PTN: variants seen among roughly 807,000 people sequenced by gnomAD.
PTN encodes the protein heparin affin regulatory protein.
Under a neutral mutation model 24.1 loss-of-function variants are expected in PTN, and 18 were observed. The observed-to-expected ratio is 0.75, with a 90% CI of 0.52 to 1.11. The LOEUF (loss-of-function observed/expected upper bound fraction) is 1.11, where lower values mean the gene tolerates loss of function less well. Ranked by LOEUF, PTN falls within the 50% of genes least tolerant of loss-of-function variation. PTN has a pLI of 0.00. For missense variants in PTN, 163 were observed against 198.8 expected, an observed-to-expected ratio of 0.82 and a Z score of 1.08; for synonymous variants, 78 against 68.6, an observed-to-expected ratio of 1.14 and a Z score of -0.67.
At chr7:137,339,677 G>A (rs1451420161) in intron 1 of PTN, among the ~76,000 whole-genome samples, 4 of 151,910 alleles carry the variant, frequency 2.6e-5, no homozygotes, top group African/African-American at 7.3e-5. Context: ...GCCAACATAT[G>A]GGCAGGCATT....
At chr7:137,242,534 T>A (rs1215511783) in intron 4 of PTN, among the ~76,000 whole-genome samples, 2 of 152,256 alleles carry the variant, frequency 1.3e-5, no homozygotes, top group Non-Finnish European at 2.9e-5. Flanking sequence ...ACTTGGTAGC[T>A]GGCTTATCTG....
intron 1 of PTN, among the ~76,000 whole-genome samples, chr7:137,295,177 C>A (rs1171075844): frequency 6.6e-6 from 1 of 152,094 alleles, no homozygotes; most frequent in Admixed American, 6.6e-5. Flanking sequence ...GTAAAAATAT[C>A]TCAAATATAC....
At chr7:137,276,814 A>T (rs1694283465) in intron 1 of PTN, among the ~76,000 whole-genome samples, 1 of 152,176 alleles carries the variant, frequency 6.6e-6, no homozygotes, top group African/African-American at 2.4e-5. Context: ...AAAAAATCAC[A>T]AAAAATATTT....
intron 1 of PTN, among the ~76,000 whole-genome samples, chr7:137,338,505 T>C (rs1274994913): frequency 1.3e-5 from 2 of 152,234 alleles, no homozygotes; most frequent in Admixed American, 1.3e-4. Context: ...ATTTAGCCTT[T>C]TGTGAGCTCC....
intron 1 of PTN, among the ~76,000 whole-genome samples, chr7:137,317,762 A>AG (rs1260744218): frequency 1.4e-4 from 22 of 152,110 alleles, no homozygotes; most frequent in Admixed American, 1.2e-3. Context: ...TTTCTTTTTC[A>AG]GGGGGTGGGG....
intron 1 of PTN, among the ~76,000 whole-genome samples, chr7:137,314,998 G>A (rs1342081271): frequency 6.6e-6 from 1 of 152,148 alleles, no homozygotes; most frequent in African/African-American, 2.4e-5. Flanking sequence ...CTCTGTTAAA[G>A]TAATTGATGT....
intron 1 of PTN, among the ~76,000 whole-genome samples, chr7:137,303,495 T>TA (rs1216530852): frequency 2.0e-5 from 3 of 151,980 alleles, no homozygotes; most frequent in Non-Finnish European, 4.4e-5. Context: ...TCCTAGCATA[T>TA]AAAAATGCTT....
intron 1 of PTN, among the ~76,000 whole-genome samples, chr7:137,271,207 C>T (rs1328106585): frequency 6.6e-6 from 1 of 152,186 alleles, no homozygotes; most frequent in East Asian, 1.9e-4. Context: ...TATCCAATGT[C>T]ATATAATTTC....
chr7:137,305,117 C>T (rs1809867205), intron 1 of PTN, among the ~76,000 whole-genome samples: 1 of 151,996 alleles, frequency 6.6e-6, no homozygotes, highest in Non-Finnish European at 1.5e-5. Flanking sequence ...AGCTGACACA[C>T]ACAGAGTACA....
chr7:137,314,910 C>T (rs1001589377), intron 1 of PTN, among the ~76,000 whole-genome samples: 1 of 152,092 alleles, frequency 6.6e-6, no homozygotes, highest in Admixed American at 6.6e-5. Flanking sequence ...CTTTGTGATA[C>T]TAGTGACTCC....
chr7:137,268,363 G>C (rs1452212393), intron 1 of PTN, among the ~76,000 whole-genome samples: 1 of 151,812 alleles, frequency 6.6e-6, no homozygotes, highest in Non-Finnish European at 1.5e-5. Flanking sequence ...GTAGCAGGAC[G>C]AGCCGCGGAC....
Position 137,253,637 on chromosome 7 carries a change from T to C in PTN, c.116A>G (p.Glu39Gly), listed in dbSNP as rs1343818756. 8 of 1,541,938 alleles carry C rather than the reference T, an allele frequency of 5.2e-6. No individual in the cohort carries two copies. Among genetic ancestry groups the C allele is most frequent in the South Asian group, 1.3e-5 (1 of 79,246 alleles). The change falls in exon 3 of 5, where the codon GAA becomes GGA. Residue 39 changes from glutamate (E) to glycine (G), a missense_variant and splice_region_variant. Transcript: ENST00000348225. The stretch of plus-strand genomic sequence containing the variant: ...ACAGTCAGACTTCTTCACTTTTTTT[T>C]CTGAATGAAAGGAGGAAAACCTAAT... ...TAEAGKKEKP[E>G]KKVKKSDCGE...
intron 1 of PTN, among the ~76,000 whole-genome samples, chr7:137,309,570 C>T (rs1809947166): frequency 6.6e-6 from 1 of 152,200 alleles, no homozygotes; most frequent in Non-Finnish European, 1.5e-5. Flanking sequence ...ACTCCTCTCA[C>T]ACCTTCCCAC....
chr7:137,332,706 GTAATAAATATTTT>G (rs1392373581), intron 1 of PTN, among the ~76,000 whole-genome samples: 1 of 151,974 alleles, frequency 6.6e-6, no homozygotes, highest in African/African-American at 2.4e-5. Context: ...AATTTTTTTT[GTAATAAATATTTT>G]TTGAGGAGCT....
rs1016203034 is a variant in PTN, at chr7:137,302,970, G to A, written c.-2+40469C>T. Reference sequence around the variant, plus strand: ...CTCAAAAAGAAAGTACTTGATGTTCGTGTTTATTCATTGTATAGTATTTAT... The same window carrying A: ...CTCAAAAAGAAAGTACTTGATGTTCATGTTTATTCATTGTATAGTATTTAT... On this transcript the variant is annotated intron_variant, in intron 1 of 4. Transcript: ENST00000348225. Among the ~76,000 whole-genome samples the A allele has an allele frequency of 5.9e-5, 9 of 151,974 alleles. No homozygotes were observed. In the East Asian group the frequency reaches 1.2e-3, roughly 20 times the overall value.
chr7:137,238,744 A>C (rs1030448409), intron 4 of PTN, among the ~76,000 whole-genome samples: 2 of 152,192 alleles, frequency 1.3e-5, no homozygotes, highest in Non-Finnish European at 2.9e-5. Flanking sequence ...ATACAAATAA[A>C]ACTACTTTAG....
chr7:137,276,809 A>G (rs1563209132), intron 1 of PTN, among the ~76,000 whole-genome samples: 2 of 151,624 alleles, frequency 1.3e-5, no homozygotes, highest in Admixed American at 6.6e-5. Context: ...AAAAAAAAAA[A>G]TCACAAAAAA....
At chr7:137,248,379 ACTC>A (rs887548761) in intron 4 of PTN, among the ~76,000 whole-genome samples, 1 of 152,050 alleles carries the variant, frequency 6.6e-6, no homozygotes, top group African/African-American at 2.4e-5. Context: ...CCCTGGTTCA[ACTC>A]CTAAAATAAG....
At chr7:137,321,287 G>A (rs1016730406) in intron 1 of PTN, among the ~76,000 whole-genome samples, 5 of 152,164 alleles carry the variant, frequency 3.3e-5, no homozygotes, top group African/African-American at 1.2e-4. Flanking sequence ...GCTTGGCTAA[G>A]AATCAAAGAG....
Sources: gnomAD v4.1 joint callset for allele counts (sites outside exome capture counted in the v4.1 genomes callset) on GRCh38, gnomAD v4.1.1 for gene constraint, MANE v1.5 for transcripts, NCBI Gene and HGNC (gene_info 2026-07-23, HGNC 2026-07-21) for gene names.